The following MACROH2A2 variants were observed in gnomAD, a reference collection of about 807,000 sequenced individuals.
MACROH2A2 encodes the protein core histone macro-H2A.2.
A neutral mutation model predicts 37.6 loss-of-function variants in MACROH2A2; 6 were observed. That is an observed-to-expected ratio of 0.16 (90% CI 0.09 to 0.32). The LOEUF (loss-of-function observed/expected upper bound fraction) is 0.32, where lower values mean the gene tolerates loss of function less well. MACROH2A2 is among the 10% of genes least tolerant of loss of function. MACROH2A2 has a pLI of 1.00. For missense variants in MACROH2A2, 290 were observed against 485.9 expected, an observed-to-expected ratio of 0.60 and a Z score of 3.79; for synonymous variants, 192 against 202.7, an observed-to-expected ratio of 0.95 and a Z score of 0.45.
rs143950111 is a variant in MACROH2A2 at position 70,073,270 on chromosome 10, C to T, written c.-59-2330C>T. ...GCTGACTAACAGCAGGCCCTCCATA[C>T]ATTTACCTAACACATAGTTGCTTGC... On this transcript the variant is annotated intron_variant, in intron 1 of 8. Transcript: ENST00000373255. 5.6e-3 allele frequency among the ~76,000 whole-genome samples: 853 copies of T among 152,300 alleles called. 12 individuals are homozygous for T. Among genetic ancestry groups the T allele is most frequent in the African/African-American group, 0.019 (799 of 41,552 alleles).
intron 1 of MACROH2A2, among the ~76,000 whole-genome samples, chr10:70,062,438 C>T (rs941457813): frequency 1.3e-5 from 2 of 152,164 alleles, no homozygotes; most frequent in African/African-American, 4.8e-5. Context: ...TTAGGGATGA[C>T]ACTGTGAATT....
In MACROH2A2 at chr10:70,107,891, T is replaced by C. The variant is rs1348564532; in HGVS notation, c.779-1142T>C. 6.6e-6 allele frequency among the ~76,000 whole-genome samples: 1 copy of C among 152,164 alleles called. No homozygotes were observed. Among genetic ancestry groups the C allele is most frequent in the Non-Finnish European group, 1.5e-5 (1 of 68,030 alleles). Reference sequence around the variant, plus strand: ...CAGGACCTCTGGGTGGTCAGTACCCTGACTCTGTGGGGCCCAGGCACAGCT... The same window carrying C: ...CAGGACCTCTGGGTGGTCAGTACCCCGACTCTGTGGGGCCCAGGCACAGCT... On this transcript the variant is annotated intron_variant, in intron 7 of 8. Transcript: ENST00000373255. This position sits in a 1 kb window ranked among gnomAD's most constrained non-coding sequence, Gnocchi z 4.4.
chr10:70,092,013 G>A, intron 4 of MACROH2A2, 59 bp downstream of exon 4: 4 of 1,347,480 alleles, frequency 3.0e-6, no homozygotes, highest in Non-Finnish European at 4.2e-6. Flanking sequence ...CTGAATGTCT[G>A]TGTTCCCCCA....
chr10:70,104,975 G>A (rs544759618), intron 7 of MACROH2A2, among the ~76,000 whole-genome samples: 24 of 152,366 alleles, frequency 1.6e-4, no homozygotes, highest in African/African-American at 5.8e-4. Flanking sequence ...TGTGGCAGGG[G>A]GTCGGGGAGG....
At chr10:70,091,267 A>T (rs1184769533) in intron 3 of MACROH2A2, among the ~76,000 whole-genome samples, 1 of 152,248 alleles carries the variant, frequency 6.6e-6, no homozygotes, top group African/African-American at 2.4e-5. Context: ...ACATCACAGG[A>T]TGCCTTGTTA....
chr10:70,083,124 G>T (rs75306816), intron 2 of MACROH2A2, among the ~76,000 whole-genome samples: 1 of 152,100 alleles, frequency 6.6e-6, no homozygotes, highest in Non-Finnish European at 1.5e-5. Context: ...CAAGGAGCCT[G>T]GTGGGAAAGC....
chr10:70,089,750 T>G (rs1227025988), intron 2 of MACROH2A2, among the ~76,000 whole-genome samples: 1 of 151,874 alleles, frequency 6.6e-6, no homozygotes, highest in Non-Finnish European at 1.5e-5. Context: ...TTTTTAAATT[T>G]TTTAATTTTT....
intron 7 of MACROH2A2, among the ~76,000 whole-genome samples, chr10:70,101,897 T>A (rs2072309357): frequency 6.6e-6 from 1 of 152,252 alleles, no homozygotes; most frequent in African/African-American, 2.4e-5. Context: ...ACATTTGGGC[T>A]GTTTCCGCCT....
intron 6 of MACROH2A2, among the ~76,000 whole-genome samples, chr10:70,099,821 G>A (rs1372971236): frequency 1.3e-5 from 2 of 152,178 alleles, no homozygotes; most frequent in Admixed American, 6.5e-5. Context: ...ACTCAAGCAC[G>A]TACAGTACGT....
intron 1 of MACROH2A2, among the ~76,000 whole-genome samples, chr10:70,071,872 C>T (rs1337886325): frequency 1.3e-5 from 2 of 152,208 alleles, no homozygotes; most frequent in African/African-American, 2.4e-5. Context: ...TAGAAGTACT[C>T]TGGGTGAGTG....
chr10:70,111,728 A>G lies in MACROH2A2; in HGVS notation c.*45A>G, dbSNP rs1589843433. On this transcript the variant is annotated 3_prime_UTR_variant, in exon 9 of 9. Coordinates refer to ENST00000373255, the MANE Select transcript of MACROH2A2 (RefSeq NM_018649.3). ...GGATCGGAGGACGACCCGAGTCCCAAGAGTGGGGTTTTGCTTTTTAAAAGG... is the reference window on the plus strand; with the variant it reads ...GGATCGGAGGACGACCCGAGTCCCAGGAGTGGGGTTTTGCTTTTTAAAAGG... 1 of 1,501,908 alleles carries G rather than the reference A, an allele frequency of 6.7e-7. No homozygotes were observed. Among genetic ancestry groups the G allele is most frequent in the Non-Finnish European group, 8.9e-7 (1 of 1,119,282 alleles). The allele number at this position is 1,501,908 out of a possible 1,614,324, so 93.0% of individuals were successfully genotyped here.
chr10:70,074,603 C>T (rs1283306539), intron 1 of MACROH2A2, among the ~76,000 whole-genome samples: 1 of 152,074 alleles, frequency 6.6e-6, no homozygotes, highest in African/African-American at 2.4e-5. Flanking sequence ...GTGGGAGGGA[C>T]CTGGTGGGAG....
intron 1 of MACROH2A2, among the ~76,000 whole-genome samples, chr10:70,068,399 T>C (rs1037968510): frequency 1.3e-5 from 2 of 152,196 alleles, no homozygotes; most frequent in African/African-American, 4.8e-5. Flanking sequence ...TGTTCTAACA[T>C]CGTACTAGCC....
chr10:70,100,093 A>C, intron 6 of MACROH2A2, 115 bp from the exon 7 acceptor site: 2 of 596,748 alleles, frequency 3.4e-6, no homozygotes, highest in South Asian at 4.8e-5. Flanking sequence ...TGGGAAGTTC[A>C]ATTCCTAGTT....
chr10:70,061,869 A>C (rs978387837), intron 1 of MACROH2A2, among the ~76,000 whole-genome samples: 1 of 152,214 alleles, frequency 6.6e-6, no homozygotes, highest in African/African-American at 2.4e-5. Flanking sequence ...ATAAATTGTT[A>C]ATGTGCTGTA....
intron 1 of MACROH2A2, among the ~76,000 whole-genome samples, chr10:70,073,714 A>T (rs1320192826): frequency 1.3e-5 from 2 of 152,162 alleles, no homozygotes; most frequent in Non-Finnish European, 2.9e-5. Context: ...GTCGTAATGG[A>T]GTTATCAGAT....
At chr10:70,059,311 G>T (rs1170433450) in intron 1 of MACROH2A2, among the ~76,000 whole-genome samples, 1 of 152,072 alleles carries the variant, frequency 6.6e-6, no homozygotes, top group African/African-American at 2.4e-5. Flanking sequence ...GAAGTTCCCA[G>T]GCACTTGCCC....
At chr10:70,109,271 A>G in intron 8 of MACROH2A2, 64 bp downstream of exon 8, 1 of 1,371,854 alleles carries the variant, frequency 7.3e-7, no homozygotes, top group Non-Finnish European at 1.0e-6. Context: ...CTGCTCCCCC[A>G]CTTACATCTG....
intron 1 of MACROH2A2, among the ~76,000 whole-genome samples, chr10:70,074,334 G>T (rs1429539802): frequency 6.6e-6 from 1 of 152,150 alleles, no homozygotes; most frequent in Non-Finnish European, 1.5e-5. Context: ...AATCAACCTG[G>T]ATTCCTCATT....
Sources: allele counts gnomAD v4.1 joint callset (sites outside exome capture counted in the v4.1 genomes callset), GRCh38; gene constraint gnomAD v4.1.1; non-coding constraint Gnocchi (gnomAD v3.1); transcripts MANE v1.5; gene names NCBI Gene and HGNC (gene_info 2026-07-23, HGNC 2026-07-21).